The following ANK3 variants were observed in gnomAD, a reference collection of about 807,000 sequenced individuals.
ANK3 encodes ankyrin 3.
ANK3 carries 57 observed loss-of-function variants against 370.9 expected under a neutral mutation model. That is an observed-to-expected ratio of 0.15 (90% CI 0.12 to 0.19). ANK3 has a LOEUF of 0.19. Ranked by LOEUF, ANK3 falls within the 10% of genes least tolerant of loss-of-function variation. The pLI is 1.00. For missense variants in ANK3, 4,439 were observed against 5,302.1 expected (o/e 0.84, Z 5.06); for synonymous variants, 1,929 against 1,946.3 (o/e 0.99, Z 0.23).
At chr10:60,478,756 A>G (rs2075135576) in intron 2 of ANK3, among the ~76,000 whole-genome samples, 1 of 152,116 alleles carries the variant, frequency 6.6e-6, no homozygotes, top group South Asian at 2.1e-4. Flanking sequence ...CAAATGGAGC[A>G]TCTTAGTGGT....
chr10:60,249,563 C>T (rs1314279951), intron 7 of ANK3, among the ~76,000 whole-genome samples: 1 of 152,206 alleles, frequency 6.6e-6, no homozygotes, highest in Non-Finnish European at 1.5e-5. Flanking sequence ...ATCTTGCCTT[C>T]ACTTGATCTT....
chr10:60,612,701 C>A (rs1413517511), intron 2 of ANK3, among the ~76,000 whole-genome samples: 1 of 152,140 alleles, frequency 6.6e-6, no homozygotes, highest in Non-Finnish European at 1.5e-5. Flanking sequence ...CCGTGTTAGC[C>A]AGGATGATCT....
In ANK3 at chr10:60,072,562, G is replaced by A. The variant is rs1334646003; in HGVS notation, c.8319C>T (p.Leu2773=). Residue 2773 remains leucine (L), a synonymous_variant, in exon 37 of 44, where the codon CTC becomes CTT. Coordinates refer to ENST00000280772, the MANE Select transcript of ANK3 (RefSeq NM_020987.5). ...TTTGCACAGATACACTTTCATCTGG[G>A]AGGTCTATGGCCTTCTGCTGTTTTT... ...AREKQQKAID[L]PDESVSVQKD... The A allele has an allele frequency of 1.2e-6, 2 of 1,613,264 alleles. No individual in the cohort carries two copies. Among genetic ancestry groups the A allele is most frequent in the Non-Finnish European group, 1.7e-6 (2 of 1,179,850 alleles).
At chr10:60,283,011 G>T (rs2098188275) in intron 1 of ANK3, among the ~76,000 whole-genome samples, 1 of 152,270 alleles carries the variant, frequency 6.6e-6, no homozygotes, top group East Asian at 1.9e-4. Flanking sequence ...TTTGTTGAAT[G>T]TCTACTATGT....
chr10:60,037,520 C>T (rs72818453), intron 43 of ANK3, among the ~76,000 whole-genome samples: 192 of 152,264 alleles, frequency 1.3e-3, no homozygotes, highest in Non-Finnish European at 1.1e-3. Flanking sequence ...CATTTAGCTT[C>T]CACTAAATGA....
intron 25 of ANK3, among the ~76,000 whole-genome samples, chr10:60,133,319 A>T (rs4474385): frequency 0.29 from 44,452 of 152,180 alleles, 7,056 homozygotes; most frequent in Non-Finnish European, 0.36. Context: ...GTGCATACTT[A>T]AAGCCAGGTA....
intron 6 of ANK3, 116 bp downstream of exon 6, chr10:60,263,719 T>C (rs1002981993): frequency 4.2e-6 from 5 of 1,183,800 alleles, no homozygotes; most frequent in East Asian, 5.0e-5. Flanking sequence ...TGTTCCTCCC[T>C]TCAATGAAGT....
chr10:60,146,121 T>C, intron 23 of ANK3: 2 of 1,470,686 alleles, frequency 1.4e-6, no homozygotes, highest in Non-Finnish European at 9.0e-7. Flanking sequence ...CCAGAAACAG[T>C]ATTGTCACTT....
At chr10:60,351,957 G>A (rs566138119) in intron 1 of ANK3, among the ~76,000 whole-genome samples, 4 of 152,210 alleles carry the variant, frequency 2.6e-5, no homozygotes, top group African/African-American at 9.6e-5. Flanking sequence ...AAGTATAAGT[G>A]CACAATGGAA....
chr10:60,357,137 C>T (rs2057886205), intron 1 of ANK3, among the ~76,000 whole-genome samples: 1 of 152,196 alleles, frequency 6.6e-6, no homozygotes, highest in Non-Finnish European at 1.5e-5. Context: ...TTCTTTGCAG[C>T]TTCAACATTC....
At chr10:60,228,318 G>A (rs1592086011) in intron 8 of ANK3, among the ~76,000 whole-genome samples, 2 of 152,110 alleles carry the variant, frequency 1.3e-5, no homozygotes, top group South Asian at 4.1e-4. Context: ...GGCGGATCAC[G>A]AGGTCAAGAG....
intron 28 of ANK3, among the ~76,000 whole-genome samples, chr10:60,093,433 T>C (rs1433847322): frequency 6.6e-6 from 1 of 152,208 alleles, no homozygotes; most frequent in African/African-American, 2.4e-5. Context: ...TAATTCTGCT[T>C]ATAACAAGCT....
chr10:60,490,918 C>T (rs1379086032), intron 2 of ANK3, among the ~76,000 whole-genome samples: 2 of 152,128 alleles, frequency 1.3e-5, no homozygotes, highest in Non-Finnish European at 2.9e-5. Context: ...AAAGTTCTTC[C>T]CTGTCCCTTT....
chr10:60,538,626 C>T (rs1304818249), intron 2 of ANK3, among the ~76,000 whole-genome samples: 2 of 151,818 alleles, frequency 1.3e-5, no homozygotes, highest in East Asian at 3.9e-4. Context: ...CGACACTAGG[C>T]CAGATATGTA....
At chr10:60,634,859 C>A (rs1415606622) in intron 1 of ANK3, among the ~76,000 whole-genome samples, 1 of 151,828 alleles carries the variant, frequency 6.6e-6, no homozygotes, top group African/African-American at 2.4e-5. Flanking sequence ...CGAAAGTCTG[C>A]GGCCTCACTC....
At chr10:60,608,626 T>C (rs2078161005) in intron 2 of ANK3, among the ~76,000 whole-genome samples, 1 of 152,222 alleles carries the variant, frequency 6.6e-6, no homozygotes, top group Admixed American at 6.5e-5. Context: ...TTATATATTC[T>C]AAACAAATAC....
In ANK3 at chr10:60,215,209, G is replaced by T. The variant is rs1022544916; in HGVS notation, c.898-1699C>A. ...TCTTTGCCTGCTTTTTGATGGGGTT[G>T]TTTTTTTCTTGTAAATTTGTTTAAG... On this transcript the variant is annotated intron_variant, in intron 8 of 43. Transcript: ENST00000280772. Among the ~76,000 whole-genome samples, 4 of 152,034 alleles carry T rather than the reference G, an allele frequency of 2.6e-5. No individual in the cohort carries two copies. The East Asian group carries it at 5.8e-4, about 22-fold the overall frequency.
Position 60,073,480 on chromosome 10 carries a change from C to T in ANK3, c.7401G>A (p.Met2467Ile). The change falls in exon 37 of 44, where the codon ATG becomes ATA. Residue 2467 changes from methionine to isoleucine, a missense_variant. Coordinates refer to ENST00000280772, the MANE Select transcript of ANK3 (RefSeq NM_020987.5). Reference sequence around the variant, plus strand: ...ACACATCTAGCTTTTCTGACAGAAGCATTTTCTCAGCAAACCTGTAAGACT... The same window carrying T: ...ACACATCTAGCTTTTCTGACAGAAGTATTTTCTCAGCAAACCTGTAAGACT... ...RGESYRFAEKMLLSEKLDVSH... is the reference protein window; with the variant it reads ...RGESYRFAEKILLSEKLDVSH... 6.2e-7 allele frequency: 1 copy of T among 1,614,030 alleles called. No homozygotes were observed.
rs975392507 is a variant in ANK3 at position 60,060,152 on chromosome 10, T to C, written c.12596-722A>G. The C allele has an allele frequency of 1.2e-5, 7 of 571,724 alleles. No individual in the cohort carries two copies. Among genetic ancestry groups the C allele is most frequent in the Non-Finnish European group, 1.7e-5 (6 of 353,312 alleles). 35.4% of individuals were successfully genotyped at this position (571,724 alleles called of 1,614,324 possible). On this transcript the variant is annotated intron_variant, in intron 40 of 43. Coordinates refer to ENST00000280772, the MANE Select transcript of ANK3 (RefSeq NM_020987.5). ...CAATAAATTTATCGGTTTAGTTCAA[T>C]TAAATGTAACACAATGAAATAAAAA... is the stretch of plus-strand genomic sequence containing the variant.
Sources: allele counts gnomAD v4.1 joint callset (sites outside exome capture counted in the v4.1 genomes callset), GRCh38; gene constraint gnomAD v4.1.1; transcripts MANE v1.5; gene names NCBI Gene and HGNC (gene_info 2026-07-23, HGNC 2026-07-21).